Variants in FOLH1 observed in about 807,000 individuals in gnomAD.
FOLH1 encodes the protein folate hydrolase 1.
A neutral mutation model predicts 93.9 loss-of-function variants in FOLH1; 54 were observed. That is an observed-to-expected ratio of 0.57 (90% CI 0.46 to 0.72). The LOEUF (loss-of-function observed/expected upper bound fraction) is 0.72. Among genes scored for constraint, FOLH1 ranks in the 30% least tolerant of loss-of-function variants. FOLH1 has a pLI of 0.00. For missense variants in FOLH1, 571 were observed against 892.5 expected, an observed-to-expected ratio of 0.64 and a Z score of 4.59; for synonymous variants, 249 against 303.6, an observed-to-expected ratio of 0.82 and a Z score of 1.87.
At chr11:49,187,237 T>C (rs1861510605) in intron 4 of FOLH1, among the ~76,000 whole-genome samples, 2 of 152,346 alleles carry the variant, frequency 1.3e-5, no homozygotes, top group South Asian at 4.1e-4. Flanking sequence ...TTCACAGGTC[T>C]GATTTCAATC....
chr11:49,191,963 A>G (rs1404393772), intron 4 of FOLH1, among the ~76,000 whole-genome samples: 1 of 152,178 alleles, frequency 6.6e-6, no homozygotes, highest in Non-Finnish European at 1.5e-5. Context: ...GCACCCGGCC[A>G]ACCTGTTTTT....
At chr11:49,149,036 T>C (rs1337832382) in intron 17 of FOLH1, among the ~76,000 whole-genome samples, 1 of 151,902 alleles carries the variant, frequency 6.6e-6, no homozygotes, top group Non-Finnish European at 1.5e-5. Flanking sequence ...ACCCGTTATC[T>C]CACTCATAGG....
intron 15 of FOLH1, 53 bp downstream of exon 15, chr11:49,156,664 G>T (rs1857069283): frequency 1.2e-6 from 2 of 1,607,904 alleles, no homozygotes; most frequent in Admixed American, 1.7e-5. Flanking sequence ...AGAATTATTT[G>T]TTTAGTTAAA....
chr11:49,190,581 G>T (rs898009842), intron 4 of FOLH1, among the ~76,000 whole-genome samples: 32 of 152,188 alleles, frequency 2.1e-4, no homozygotes, highest in Admixed American at 3.9e-4. Context: ...ACAATATCAC[G>T]CTTGTTACAA....
chr11:49,171,121 T>A, intron 11 of FOLH1, 74 bp downstream of exon 11: 1 of 1,445,916 alleles, frequency 6.9e-7, no homozygotes, highest in Non-Finnish European at 9.2e-7. Flanking sequence ...ACTTCTTATT[T>A]TTATGTGCTT....
intron 12 of FOLH1, among the ~76,000 whole-genome samples, chr11:49,167,059 A>G (rs970611085): frequency 6.6e-6 from 1 of 151,894 alleles, no homozygotes; most frequent in African/African-American, 2.4e-5. Flanking sequence ...AAAAAAACAG[A>G]AAAAAACTAT....
chr11:49,199,553 G>C (rs563866856), intron 3 of FOLH1, among the ~76,000 whole-genome samples: 33 of 152,222 alleles, frequency 2.2e-4, no homozygotes, highest in Non-Finnish European at 3.5e-4. Flanking sequence ...ACTGCATACT[G>C]GATCCGTGCA....
At chr11:49,185,964 C>T in intron 5 of FOLH1, 109 bp from the exon 6 acceptor site, 1 of 1,333,464 alleles carries the variant, frequency 7.5e-7, no homozygotes, top group Non-Finnish European at 9.9e-7. Context: ...TTATCTTCAA[C>T]CTTTTCTCAT....
intron 1 of FOLH1, chr11:49,206,746 G>C: frequency 6.5e-7 from 1 of 1,534,662 alleles, no homozygotes; most frequent in Non-Finnish European, 8.7e-7. Context: ...AGAAATCCAA[G>C]TTCAGACAGC....
chr11:49,170,323 T>C (rs1227698961), intron 11 of FOLH1, among the ~76,000 whole-genome samples: 2 of 152,168 alleles, frequency 1.3e-5, no homozygotes, highest in African/African-American at 4.8e-5. Flanking sequence ...AAATGAAAAG[T>C]ATACCTTACG....
At chr11:49,187,556 A>G (rs894053506) in intron 4 of FOLH1, among the ~76,000 whole-genome samples, 4 of 152,308 alleles carry the variant, frequency 2.6e-5, no homozygotes, top group Admixed American at 2.6e-4. Context: ...CATCAATTTT[A>G]AAAAATACAT....
chr11:49,165,822 G>C (rs1156584515), intron 12 of FOLH1, among the ~76,000 whole-genome samples: 1 of 152,176 alleles, frequency 6.6e-6, no homozygotes, highest in African/African-American at 2.4e-5. Context: ...TTTGATTTTA[G>C]ATTCTAAAAT....
intron 2 of FOLH1, among the ~76,000 whole-genome samples, chr11:49,202,560 G>A (rs1415442226): frequency 6.6e-6 from 1 of 152,086 alleles, no homozygotes; most frequent in Non-Finnish European, 1.5e-5. Context: ...AAAATATTTT[G>A]TAGAGACAGA....
At chr11:49,149,307 G>C (rs1856187550) in intron 17 of FOLH1, among the ~76,000 whole-genome samples, 1 of 152,106 alleles carries the variant, frequency 6.6e-6, no homozygotes. Flanking sequence ...AATGGTTTAA[G>C]TACAGCGTTC....
At chr11:49,206,011 A>C in intron 2 of FOLH1, 56 bp downstream of exon 2, 7 of 1,548,014 alleles carry the variant, frequency 4.5e-6, no homozygotes, top group Non-Finnish European at 6.1e-6. Context: ...GGACCAAAAC[A>C]GAATGATAAA....
intron 3 of FOLH1, among the ~76,000 whole-genome samples, chr11:49,199,704 A>G (rs1863061535): frequency 6.6e-6 from 1 of 152,136 alleles, no homozygotes; most frequent in Admixed American, 6.5e-5. Flanking sequence ...TGAGGTCAGG[A>G]GTTCGAGACT....
intron 2 of FOLH1, among the ~76,000 whole-genome samples, chr11:49,200,684 T>G (rs1863169226): frequency 6.6e-6 from 1 of 152,180 alleles, no homozygotes; most frequent in African/African-American, 2.4e-5. Context: ...TGTGTAATCC[T>G]ATTACTATAA....
chr11:49,183,302 A>G, intron 6 of FOLH1, 60 bp from the exon 7 acceptor site: 2 of 1,259,346 alleles, frequency 1.6e-6, no homozygotes, highest in East Asian at 2.3e-5. Context: ...ACGGTTCTCT[A>G]TAAATCACAT....
chr11:49,178,251 A>T (rs1226955644), intron 7 of FOLH1, among the ~76,000 whole-genome samples: 1 of 152,224 alleles, frequency 6.6e-6, no homozygotes, highest in African/African-American at 2.4e-5. Flanking sequence ...TGCATTTTGC[A>T]GTGGACCAGC....
Sources: allele counts gnomAD v4.1 joint callset (sites outside exome capture counted in the v4.1 genomes callset), GRCh38; gene constraint gnomAD v4.1.1; transcripts MANE v1.5; gene names NCBI Gene and HGNC (gene_info 2026-07-23, HGNC 2026-07-21).